BDH1: variants seen among roughly 807,000 people sequenced by gnomAD.
BDH1 encodes the protein 3-hydroxybutyrate dehydrogenase 1.
Under a neutral mutation model 33.1 loss-of-function variants are expected in BDH1, and 30 were observed. That is an observed-to-expected ratio of 0.91 (90% CI 0.68 to 1.23). The LOEUF is 1.23. BDH1 is among the 50% of genes most tolerant of loss of function. BDH1 has a pLI of 0.00. For synonymous variants in BDH1, 190 were observed against 183.6 expected (o/e 1.03, Z -0.28); for missense variants, 443 against 464.4 (o/e 0.95, Z 0.42).
chr3:197,550,764 A>C (rs1716500124), intron 2 of BDH1, among the ~76,000 whole-genome samples: 1 of 152,020 alleles, frequency 6.6e-6, no homozygotes. Context: ...GGAGGGAGGG[A>C]GAAAAGCAAC....
At chr3:197,539,654 CA>C (rs2108750707) in intron 3 of BDH1, among the ~76,000 whole-genome samples, 1 of 152,360 alleles carries the variant, frequency 6.6e-6, no homozygotes, top group East Asian at 1.9e-4. Flanking sequence ...GCAGACCCTG[CA>C]CTGGATGGAT....
intron 2 of BDH1, among the ~76,000 whole-genome samples, chr3:197,553,451 C>T (rs112040189): frequency 0.13 from 19,828 of 150,208 alleles, 1,490 homozygotes; most frequent in African/African-American, 0.17. Context: ...ATTACTTGAA[C>T]CCAGGAGGTG....
At chr3:197,570,226 T>C (rs538458232) in intron 1 of BDH1, among the ~76,000 whole-genome samples, 51 of 152,344 alleles carry the variant, frequency 3.3e-4, no homozygotes, top group Middle Eastern at 3.4e-3. Flanking sequence ...TAGCAAAGCA[T>C]TCAAAGTGTG....
intron 1 of BDH1, among the ~76,000 whole-genome samples, chr3:197,571,583 C>T (rs1441102535): frequency 6.6e-6 from 1 of 152,196 alleles, no homozygotes; most frequent in African/African-American, 2.4e-5. Flanking sequence ...AAACCCCTTT[C>T]ACTTGGCTTT....
chr3:197,556,387 G>C (rs147117628), upstream of BDH1, among the ~76,000 whole-genome samples: 102 of 152,372 alleles, frequency 6.7e-4, no homozygotes, highest in African/African-American at 2.4e-3. Context: ...TTATTTAAAG[G>C]CCGGGGGCGG....
At chr3:197,541,588 C>G (rs1335750395) in intron 3 of BDH1, among the ~76,000 whole-genome samples, 2 of 152,056 alleles carry the variant, frequency 1.3e-5, no homozygotes, top group Non-Finnish European at 2.9e-5. Flanking sequence ...GACAGGTACA[C>G]CAGGGATCAA....
At chr3:197,518,695 C>G (rs1246491128) in intron 6 of BDH1, among the ~76,000 whole-genome samples, 2 of 15,218 alleles carry the variant, frequency 1.3e-4, no homozygotes, top group Admixed American at 5.6e-4. Flanking sequence ...GCTGACCCCC[C>G]CCATCAGTCA....
At position 197,514,562 on chromosome 3, in the gene BDH1, A is replaced by C; in HGVS notation, c.410-146T>G. 1 of 956,786 alleles carries C rather than the reference A, an allele frequency of 1.0e-6. No individual in the cohort carries two copies. Among genetic ancestry groups the C allele is most frequent in the Non-Finnish European group, 1.5e-6 (1 of 660,480 alleles). The allele number at this position is 956,786 out of a possible 1,614,324, so 59.3% of individuals were successfully genotyped here. A position where few individuals can be genotyped will look rare whatever the true frequency, so the allele number is the denominator to read the frequency against. On this transcript the variant is annotated intron_variant, in intron 6 of 7. Coordinates refer to ENST00000392379, the MANE Select transcript of BDH1 (RefSeq NM_203314.3). This position sits in a 1 kb window ranked among gnomAD's most constrained non-coding sequence, Gnocchi z 4.2. ...TGCTCTCAAGAAACTTTCTAGAGTC[A>C]CTCAGGAACGACAGGAGGTAAAGAG...
chr3:197,515,285 A>G, intron 6 of BDH1: 1 of 985,466 alleles, frequency 1.0e-6, no homozygotes, highest in Non-Finnish European at 1.2e-6. Context: ...GCTGGTTAAC[A>G]GAGTGTCCAT....
At chr3:197,533,452 A>T in intron 4 of BDH1, 37 bp downstream of exon 4, 1 of 1,605,318 alleles carries the variant, frequency 6.2e-7, no homozygotes, top group Non-Finnish European at 8.5e-7. Context: ...GGTTCTGACC[A>T]TCCAACTGGC....
intron 1 of BDH1, among the ~76,000 whole-genome samples, chr3:197,562,793 G>A (rs1717308520): frequency 6.6e-6 from 1 of 152,014 alleles, no homozygotes; most frequent in African/African-American, 2.4e-5. Context: ...ATCTGAGAAT[G>A]AGGAGAAAAC....
intron 3 of BDH1, among the ~76,000 whole-genome samples, chr3:197,535,693 G>A (rs2108746567): frequency 1.3e-5 from 2 of 152,238 alleles, no homozygotes; most frequent in Middle Eastern, 3.4e-3. Context: ...TTGATGTCAA[G>A]TCTCAGAGCT....
rs184185101 is a variant in BDH1 at position 197,563,281 on chromosome 3, C to A, written c.-44+9900G>T. Among the ~76,000 whole-genome samples, 197 of 152,300 alleles carry A rather than the reference C, an allele frequency of 1.3e-3. 2 individuals are homozygous for A. Among genetic ancestry groups the A allele is most frequent in the Non-Finnish European group, 2.5e-3 (169 of 68,032 alleles). On this transcript the variant is annotated intron_variant, in intron 1 of 6. Coordinates refer to the BDH1 transcript ENST00000358186. ...TTACGAGGTAAATTTTGCTGTCTGA[C>A]TTTTATGTGAGTTGTTTCCTTTAAT...
intron 3 of BDH1, chr3:197,538,343 T>TTTTTG (rs775340791): frequency 7.2e-5 from 33 of 455,668 alleles, no homozygotes; most frequent in South Asian, 3.6e-4. Context: ...CAAATTTTGT[T>TTTTTG]TTTTGTTTTG....
chr3:197,551,301 C>G (rs1161129521), intron 2 of BDH1, among the ~76,000 whole-genome samples: 1 of 152,206 alleles, frequency 6.6e-6, no homozygotes, highest in Non-Finnish European at 1.5e-5. Context: ...TTAGCTCCTA[C>G]AAATAAGTGA....
Position 197,520,260 on chromosome 3 carries a change from C to G in BDH1, c.409+2380G>C, listed in dbSNP as rs1713392818. On this transcript the variant is annotated intron_variant, in intron 6 of 7. Coordinates refer to ENST00000392379, the MANE Select transcript of BDH1 (RefSeq NM_203314.3). This position sits in a 1 kb window ranked among gnomAD's most constrained non-coding sequence, Gnocchi z 6.0. ...TATCTGACGGATGTACTGTTTTCTT[C>G]AGACCTAAAAGTCTTCAAATCCTTT... Among the ~76,000 whole-genome samples, 1 of 151,606 alleles carries G rather than the reference C, an allele frequency of 6.6e-6. No homozygotes were observed. The highest frequency in any genetic ancestry group is 1.5e-5 in the Non-Finnish European group (1 of 67,948).
At chr3:197,557,116 C>T (rs1230415094), upstream of BDH1, among the ~76,000 whole-genome samples, 1 of 152,186 alleles carries the variant, frequency 6.6e-6, no homozygotes, top group East Asian at 1.9e-4. The surrounding 1 kb of genome is among the most constrained non-coding windows in gnomAD (Gnocchi z 4.6). Context: ...GGGCTCCCTC[C>T]TTGCTTCGAG....
chr3:197,550,303 C>T (rs1220773603), intron 2 of BDH1, among the ~76,000 whole-genome samples: 2 of 152,212 alleles, frequency 1.3e-5, no homozygotes, highest in African/African-American at 2.4e-5. Context: ...ACATTAGGCA[C>T]ACCCAATGCA....
In BDH1 at chr3:197,512,296, TG is replaced by T. The variant is rs1256085308; in HGVS notation, c.630del (p.Thr211ProfsTer5). 1 of 1,612,452 alleles carries T rather than the reference TG, an allele frequency of 6.2e-7. No homozygotes were observed. The highest frequency in any genetic ancestry group is 1.7e-5 in the Admixed American group (1 of 60,006). ...GAGAAAGCCTCTACCCCGAACTTGGTGATGCAGTACGGGGAGCGGGCCGGGT... is the reference window on the plus strand; with the variant it reads ...GAGAAAGCCTCTACCCCGAACTTGGTATGCAGTACGGGGAGCGGGCCGGGT... ...MANPARSPYC[I>X]TKFGVEAFSD... On this transcript the variant is annotated frameshift_variant, in exon 8 of 8. Transcript: ENST00000392379. LOFTEE classifies it high-confidence loss of function.
Sources: allele counts gnomAD v4.1 joint callset (sites outside exome capture counted in the v4.1 genomes callset), GRCh38; gene constraint gnomAD v4.1.1; non-coding constraint Gnocchi (gnomAD v3.1); transcripts MANE v1.5; gene names NCBI Gene and HGNC (gene_info 2026-07-23, HGNC 2026-07-21).